The following TSC22D1 variants were observed in gnomAD, a reference collection of about 807,000 sequenced individuals.
The protein encoded by TSC22D1 is TSC22 domain family protein 1.
Under a neutral mutation model 74.2 loss-of-function variants are expected in TSC22D1, and 9 were observed. That is an observed-to-expected ratio of 0.12 (90% CI 0.07 to 0.21). The LOEUF is 0.21. Ranked by LOEUF, TSC22D1 falls within the 10% of genes least tolerant of loss-of-function variation. The pLI is 1.00. For synonymous variants in TSC22D1, 586 were observed against 492.5 expected (o/e 1.19, Z -2.51); for missense variants, 1,427 against 1,304.7 (o/e 1.09, Z -1.44).
At chr13:44,467,799 G>A (rs1211927892) in intron 1 of TSC22D1, among the ~76,000 whole-genome samples, 2 of 152,116 alleles carry the variant, frequency 1.3e-5, no homozygotes, top group Non-Finnish European at 2.9e-5. Context: ...CTGTTGGTGG[G>A]AAATTGGTAC....
chr13:44,434,706 G>C lies in TSC22D1; in HGVS notation c.3142C>G (p.Pro1048Ala), dbSNP rs747853303. The change falls in exon 3 of 3, where the codon CCC becomes GCC. Residue 1048 changes from proline (P) to alanine (A), a missense_variant. Pro to Ala is a conservative substitution (Grantham distance 27, BLOSUM62 -1). Transcript: ENST00000458659. ...QFQAQLQTGS[P>A]PATTQPQGTT... ...CCCTGTGGCTGGGTGGTGGCAGGGGGGGAGCCAGTCTGCAGCTGGGCCTGA... is the reference window on the plus strand; with the variant it reads ...CCCTGTGGCTGGGTGGTGGCAGGGGCGGAGCCAGTCTGCAGCTGGGCCTGA... 6 of 1,611,994 alleles carry C rather than the reference G, an allele frequency of 3.7e-6. No homozygotes were observed. In the South Asian group the frequency reaches 5.5e-5, roughly 15 times the overall value.
chr13:44,523,631 T>C (rs887315761), intron 1 of TSC22D1, among the ~76,000 whole-genome samples: 3 of 152,082 alleles, frequency 2.0e-5, no homozygotes, highest in African/African-American at 7.2e-5. Context: ...TAGGAGTATG[T>C]GGCACGCAGA....
chr13:44,484,766 A>G (rs1878348236), intron 1 of TSC22D1, among the ~76,000 whole-genome samples: 1 of 152,174 alleles, frequency 6.6e-6, no homozygotes, highest in Non-Finnish European at 1.5e-5. Context: ...TCTTTCCCAC[A>G]TCGAACCTCA....
chr13:44,559,113 C>T (rs1882870681), intron 1 of TSC22D1, among the ~76,000 whole-genome samples: 1 of 152,124 alleles, frequency 6.6e-6, no homozygotes, highest in Admixed American at 6.5e-5. Context: ...GTAAAATGAA[C>T]CATCAACCAA....
Position 44,575,869 on chromosome 13 carries a change from G to T in TSC22D1, c.206C>A (p.Pro69His), listed in dbSNP as rs145475008. The T allele has an allele frequency of 8.8e-5, 142 of 1,613,990 alleles. No homozygotes were observed. Among genetic ancestry groups the T allele is most frequent in the Non-Finnish European group, 1.1e-4 (134 of 1,180,020 alleles). ...PPPSLLQPPPPAASSTSGPQP... is the reference protein window; with the variant it reads ...PPPSLLQPPPHAASSTSGPQP... ...TGGTCCCGACGTAGAAGATGCTGCAGGGGGCGGCGGCTGAAGCAGCGACGG... is the reference window on the plus strand; with the variant it reads ...TGGTCCCGACGTAGAAGATGCTGCATGGGGCGGCGGCTGAAGCAGCGACGG... The change falls in exon 1 of 3, where the codon CCT becomes CAT. Residue 69 changes from proline to histidine, a missense_variant. Coordinates refer to ENST00000458659, the MANE Select transcript of TSC22D1 (RefSeq NM_183422.4).
At chr13:44,520,332 T>C (rs1880251411) in intron 1 of TSC22D1, among the ~76,000 whole-genome samples, 1 of 152,196 alleles carries the variant, frequency 6.6e-6, no homozygotes, top group African/African-American at 2.4e-5. Context: ...GTCTACTGTT[T>C]CAAATGCTGC....
At chr13:44,529,906 T>C (rs1880739418) in intron 1 of TSC22D1, among the ~76,000 whole-genome samples, 1 of 151,980 alleles carries the variant, frequency 6.6e-6, no homozygotes, top group African/African-American at 2.4e-5. Context: ...AGCTAAAAAA[T>C]GCTAATCAAA....
intron 1 of TSC22D1, among the ~76,000 whole-genome samples, chr13:44,503,504 A>T (rs1199267826): frequency 6.6e-6 from 1 of 152,164 alleles, no homozygotes; most frequent in Non-Finnish European, 1.5e-5. Context: ...ATACCTTCAA[A>T]TTTTCATATT....
At chr13:44,455,429 A>G (rs4595697) in intron 1 of TSC22D1, among the ~76,000 whole-genome samples, 89,921 of 152,034 alleles carry the variant, frequency 0.59, 26,517 homozygotes, top group Middle Eastern at 0.67. Context: ...TTTTAAAGAA[A>G]CATGCTTACT....
chr13:44,517,806 T>C (rs1222135734), intron 1 of TSC22D1, among the ~76,000 whole-genome samples: 2 of 66,638 alleles, frequency 3.0e-5, no homozygotes, highest in African/African-American at 5.4e-5. Context: ...TATACACACA[T>C]ATATATGTGT....
chr13:44,560,457 C>A (rs957106225), intron 1 of TSC22D1, among the ~76,000 whole-genome samples: 1 of 152,022 alleles, frequency 6.6e-6, no homozygotes, highest in African/African-American at 2.4e-5. Context: ...AATCTTAGCA[C>A]CTATTAGGAA....
chr13:44,456,028 C>T (rs573948699), intron 1 of TSC22D1, among the ~76,000 whole-genome samples: 1 of 152,312 alleles, frequency 6.6e-6, no homozygotes, highest in South Asian at 2.1e-4. Flanking sequence ...CTGTATAAGA[C>T]AGACCCAATC....
At chr13:44,487,028 A>G (rs185341332) in intron 1 of TSC22D1, among the ~76,000 whole-genome samples, 25 of 152,250 alleles carry the variant, frequency 1.6e-4, no homozygotes, top group East Asian at 7.7e-4. Context: ...AAAAATACCT[A>G]TAAGGTTTTA....
chr13:44,576,747 G>A (rs1174556093), upstream of TSC22D1, among the ~76,000 whole-genome samples: 1 of 151,370 alleles, frequency 6.6e-6, no homozygotes, highest in Non-Finnish European at 1.5e-5. Flanking sequence ...GAGCGGGGCG[G>A]CGGCGAGGCG....
intron 1 of TSC22D1, among the ~76,000 whole-genome samples, chr13:44,572,003 A>G (rs1447825984): frequency 6.6e-6 from 1 of 152,196 alleles, no homozygotes; most frequent in African/African-American, 2.4e-5. Flanking sequence ...ACCCACAAAC[A>G]TACATATAGA....
At chr13:44,478,771 C>T (rs1448109210) in intron 1 of TSC22D1, among the ~76,000 whole-genome samples, 2 of 152,034 alleles carry the variant, frequency 1.3e-5, no homozygotes, top group Non-Finnish European at 2.9e-5. Context: ...AGCAAGAGAG[C>T]CCAGTATGCA....
chr13:44,554,997 T>C (rs965481723), intron 1 of TSC22D1, among the ~76,000 whole-genome samples: 3 of 152,146 alleles, frequency 2.0e-5, no homozygotes, highest in African/African-American at 7.2e-5. Flanking sequence ...GTTAGGCCAA[T>C]GTGTCCACTT....
At chr13:44,482,834 TA>T (rs1017670087) in intron 1 of TSC22D1, among the ~76,000 whole-genome samples, 10 of 152,232 alleles carry the variant, frequency 6.6e-5, no homozygotes, top group Non-Finnish European at 1.0e-4. Flanking sequence ...AAACATTGAT[TA>T]AAATATTAAT....
intron 1 of TSC22D1, among the ~76,000 whole-genome samples, chr13:44,515,159 A>G (rs1010496395): frequency 5.9e-5 from 9 of 152,192 alleles, no homozygotes; most frequent in African/African-American, 2.2e-4. Context: ...ATATATGCAG[A>G]TAGACAGGAA....
Sources: gnomAD v4.1 joint callset for allele counts (sites outside exome capture counted in the v4.1 genomes callset) on GRCh38, gnomAD v4.1.1 for gene constraint, MANE v1.5 for transcripts, NCBI Gene and HGNC (gene_info 2026-07-23, HGNC 2026-07-21) for gene names.